EPCAM: variants seen among roughly 807,000 people sequenced by gnomAD.
EPCAM encodes the protein adenocarcinoma-associated antigen.
In EPCAM, 39 loss-of-function variants were observed where a neutral mutation model predicts 40.0. The ratio of observed to expected loss-of-function variants is 0.98; its 90% CI spans 0.76 to 1.27. The LOEUF is 1.27. EPCAM is among the 50% of genes most tolerant of loss of function. The pLI, the probability that EPCAM is intolerant of heterozygous loss-of-function variation, is 0.00. For synonymous variants in EPCAM, 168 were observed against 132.3 expected, an observed-to-expected ratio of 1.27 and a Z score of -1.85; for missense variants, 503 against 381.2, an observed-to-expected ratio of 1.32 and a Z score of -2.66.
intron 4 of EPCAM, 35 bp from the exon 5 acceptor site, chr2:47,376,979 A>G (rs780070922): frequency 8.2e-5 from 118 of 1,435,056 alleles, no homozygotes; most frequent in Non-Finnish European, 1.1e-4. Flanking sequence ...TGGTACAAAC[A>G]TTTTTTTTTA....
At chr2:47,369,756 A>G (rs780819216) in intron 1 of EPCAM, 175 bp downstream of exon 1, 1 of 746,674 alleles carries the variant, frequency 1.3e-6, no homozygotes, top group South Asian at 1.5e-5. Flanking sequence ...CGCGGTAGGA[A>G]ACGGCGAGGG....
chr2:47,369,682 A>T, intron 1 of EPCAM, 101 bp downstream of exon 1: 1 of 1,203,808 alleles, frequency 8.3e-7, no homozygotes, highest in East Asian at 2.5e-5. Context: ...GGAGGGGACC[A>T]AGAGGCCGCG....
chr2:47,386,687 G>A lies in EPCAM; in HGVS notation c.*74G>A, dbSNP rs923795717. The A allele has an allele frequency of 1.1e-4, 129 of 1,155,242 alleles. No homozygotes were observed. The highest frequency in any genetic ancestry group is 1.9e-4 in the South Asian group (15 of 79,008). The allele number at this position is 1,155,242 out of a possible 1,614,324, so 71.6% of individuals were successfully genotyped here. On this transcript the variant is annotated 3_prime_UTR_variant, in exon 9 of 9. Transcript: ENST00000263735. ...AATTACAAATGTGTGTGCGTGGGAC[G>A]AAGACATCTTTGAAGGTCATGAGTT...
chr2:47,385,633 A>G (rs1671725278), intron 8 of EPCAM, among the ~76,000 whole-genome samples: 1 of 152,228 alleles, frequency 6.6e-6, no homozygotes, highest in South Asian at 2.1e-4. Context: ...CTAGTGTGAC[A>G]TCAAAGTGTC....
At chr2:47,371,991 T>C (rs1253816343) in intron 1 of EPCAM, among the ~76,000 whole-genome samples, 1 of 152,222 alleles carries the variant, frequency 6.6e-6, no homozygotes, top group African/African-American at 2.4e-5. Context: ...TTGTGCTCTT[T>C]TAACTAGACA....
chr2:47,373,855 C>T lies in EPCAM; in HGVS notation c.232C>T (p.Leu78Phe), dbSNP rs587780763. Residue 78 changes from leucine to phenylalanine, a missense_variant, in exon 3 of 9, where the codon CTT becomes TTT. Physicochemically the swap from Leu to Phe is conservative, Grantham distance 22 (BLOSUM62 0). Transcript: ENST00000263735. The stretch of plus-strand genomic sequence containing the variant: ...GAAGGCAGAAATGAATGGCTCAAAA[C>T]TTGGGAGAAGAGCAAAACCTGAAGG... Reference protein sequence around the residue: ...VMKAEMNGSKLGRRAKPEGAL... With the variant: ...VMKAEMNGSKFGRRAKPEGAL... 6.2e-7 allele frequency: 1 copy of T among 1,613,940 alleles called. No individual in the cohort carries two copies. The highest frequency in any genetic ancestry group is 8.5e-7 in the Non-Finnish European group (1 of 1,179,976).
At chr2:47,371,247 T>C (rs1671255467) in intron 1 of EPCAM, among the ~76,000 whole-genome samples, 1 of 152,218 alleles carries the variant, frequency 6.6e-6, no homozygotes, top group African/African-American at 2.4e-5. Flanking sequence ...ATAAACAACT[T>C]GGCTGCCGTC....
At position 47,375,277 on chromosome 2, in the gene EPCAM, T is replaced by C. The variant is rs1405140161; in HGVS notation, c.469T>C (p.Tyr157His). 3 of 1,612,528 alleles carry C rather than the reference T, an allele frequency of 1.9e-6. No individual in the cohort carries two copies. The highest frequency in any genetic ancestry group is 1.7e-6 in the Non-Finnish European group (2 of 1,178,640). Residue 157 changes from tyrosine to histidine, a missense_variant, in exon 4 of 9, where the codon TAT becomes CAT. Tyr to His is a moderately conservative substitution (Grantham distance 83). Transcript: ENST00000263735. Reference protein sequence around the residue: ...ELKHKAREKPYDSKSLRTALQ... With the variant: ...ELKHKAREKPHDSKSLRTALQ... ...AAAACACAAAGCAAGAGAAAAACCT[T>C]ATGATAGTAAAAGTTTGCGGACGTA... is the stretch of plus-strand genomic sequence containing the variant.
intron 1 of EPCAM, among the ~76,000 whole-genome samples, chr2:47,370,252 G>A (rs944991659): frequency 1.3e-5 from 2 of 152,100 alleles, no homozygotes; most frequent in Admixed American, 1.3e-4. Flanking sequence ...GTAATTAGGT[G>A]TATCTTTCTT....
intron 1 of EPCAM, among the ~76,000 whole-genome samples, chr2:47,370,987 A>G (rs1671246726): frequency 1.3e-5 from 2 of 152,134 alleles, no homozygotes; most frequent in South Asian, 4.1e-4. Flanking sequence ...TGCTGGGATT[A>G]CAGACGTCAG....
At chr2:47,372,155 C>T (rs1387692077) in intron 1 of EPCAM, among the ~76,000 whole-genome samples, 1 of 152,106 alleles carries the variant, frequency 6.6e-6, no homozygotes. Context: ...AGGAAACTCA[C>T]TTAAAGGGAG....
In EPCAM at chr2:47,373,441, GATTTT is replaced by G; in HGVS notation, c.77-21_77-17del. On this transcript the variant is annotated splice_polypyrimidine_tract_variant and intron_variant, in intron 1 of 8. Coordinates refer to ENST00000263735, the MANE Select transcript of EPCAM (RefSeq NM_002354.3). ...GTTAATAGATCCACATTTTAAAGTAGATTTTTTTTTTAATTTTCTAGAATGTGTCT... is the reference window on the plus strand; with the variant it reads ...GTTAATAGATCCACATTTTAAAGTAGTTTTTTAATTTTCTAGAATGTGTCT... The G allele has an allele frequency of 6.9e-7, 1 of 1,457,538 alleles. No homozygotes were observed. The highest frequency in any genetic ancestry group is 1.2e-5 in the South Asian group (1 of 86,780). 90.3% of individuals were successfully genotyped at this position (1,457,538 alleles called of 1,614,324 possible).
At chr2:47,382,164 C>T (rs533205471) in intron 7 of EPCAM, among the ~76,000 whole-genome samples, 1 of 151,712 alleles carries the variant, frequency 6.6e-6, no homozygotes, top group South Asian at 2.1e-4. Flanking sequence ...AAAAATATGG[C>T]GCATAAAGCA....
At chr2:47,370,408 C>T (rs1432294301) in intron 1 of EPCAM, among the ~76,000 whole-genome samples, 1 of 150,792 alleles carries the variant, frequency 6.6e-6, no homozygotes, top group Non-Finnish European at 1.5e-5. Context: ...AGTAGAGTAG[C>T]TGGGATTACA....
intron 7 of EPCAM, among the ~76,000 whole-genome samples, chr2:47,384,071 T>A (rs1671670403): frequency 6.6e-6 from 1 of 151,864 alleles, no homozygotes; most frequent in African/African-American, 2.4e-5. Context: ...CGTGGTAGAC[T>A]TTTTTTTGTT....
intron 3 of EPCAM, among the ~76,000 whole-genome samples, chr2:47,374,480 C>T (rs950077019): frequency 6.6e-6 from 1 of 152,134 alleles, no homozygotes; most frequent in Non-Finnish European, 1.5e-5. Context: ...CACAGAAACC[C>T]ACTCAAGCTA....
In EPCAM at chr2:47,379,007, C is replaced by G. The variant is rs1428265513; in HGVS notation, c.610C>G (p.Gln204Glu). Reference sequence around the variant, plus strand: ...GGTTCAAAATTCTTCTCAAAAAACTCAGAATGATGTGGACATAGCTGATGT... The same window carrying G: ...GGTTCAAAATTCTTCTCAAAAAACTGAGAATGATGTGGACATAGCTGATGT... ...DLVQNSSQKT[Q>E]NDVDIADVAY... The change falls in exon 6 of 9, where the codon CAG (glutamine) becomes GAG (glutamate). Residue 204 changes from glutamine (Q) to glutamate (E), a missense_variant. Physicochemically the swap from Gln to Glu is conservative, Grantham distance 29. Coordinates refer to ENST00000263735, the MANE Select transcript of EPCAM (RefSeq NM_002354.3). 1.2e-6 allele frequency: 2 copies of G among 1,605,174 alleles called. No homozygotes were observed. Among genetic ancestry groups the G allele is most frequent in the South Asian group, 1.1e-5 (1 of 90,900 alleles).
chr2:47,376,072 T>C (rs1341228917), intron 4 of EPCAM, among the ~76,000 whole-genome samples: 1 of 152,086 alleles, frequency 6.6e-6, no homozygotes, highest in Non-Finnish European at 1.5e-5. Flanking sequence ...ATTTTTCCCC[T>C]CTGATTCAGG....
chr2:47,376,555 C>T (rs907552311), intron 4 of EPCAM, among the ~76,000 whole-genome samples: 15 of 152,264 alleles, frequency 9.9e-5, no homozygotes, highest in African/African-American at 3.6e-4. Context: ...CCACCTCACC[C>T]GAGCCTTGAT....
Sources: gnomAD v4.1 joint callset for allele counts (sites outside exome capture counted in the v4.1 genomes callset) on GRCh38, gnomAD v4.1.1 for gene constraint, MANE v1.5 for transcripts, NCBI Gene and HGNC (gene_info 2026-07-23, HGNC 2026-07-21) for gene names.